The following SORBS2 variants were observed in gnomAD, a reference collection of about 807,000 sequenced individuals.
SORBS2 encodes the protein sorbin and SH3 domain containing 2.
Under a neutral mutation model 97.7 loss-of-function variants are expected in SORBS2, and 46 were observed. That is an observed-to-expected ratio of 0.47 (90% CI 0.37 to 0.60). The LOEUF (loss-of-function observed/expected upper bound fraction) is 0.60, where lower values mean the gene tolerates loss of function less well. SORBS2 is among the 20% of genes least tolerant of loss of function. The probability of loss-of-function intolerance (pLI) is 0.00; values close to 1 mark genes in which losing one functional copy is unlikely to be tolerated. For synonymous variants in SORBS2, 476 were observed against 473.4 expected (o/e 1.01, Z -0.07); for missense variants, 1,316 against 1,282.3 (o/e 1.03, Z -0.40).
At chr4:185,845,986 A>C (rs76431600) in intron 1 of SORBS2, among the ~76,000 whole-genome samples, 4,564 of 152,358 alleles carry the variant, frequency 0.03, 203 homozygotes, top group African/African-American at 0.098. Flanking sequence ...GACTCCTTGG[A>C]AGATCGTTTC....
At position 185,929,170 on chromosome 4, in the gene SORBS2, C is replaced by T. The variant is rs145928727; in HGVS notation, c.-338+27026G>A. Among the ~76,000 whole-genome samples, 389 of 152,318 alleles carry T rather than the reference C, an allele frequency of 2.6e-3. 3 individuals are homozygous for T. Among genetic ancestry groups the T allele is most frequent in the African/African-American group, 8.9e-3 (370 of 41,576 alleles). ...TTTAGTTTACACAAGAATCCTATGA[C>T]GAGCTTGTTACCACTGTGGGTTCCT... On this transcript the variant is annotated intron_variant, in intron 1 of 20. Coordinates refer to the SORBS2 transcript ENST00000284776.
At chr4:185,683,771 G>A (rs2097909635) in intron 2 of SORBS2, among the ~76,000 whole-genome samples, 1 of 152,114 alleles carries the variant, frequency 6.6e-6, no homozygotes, top group Non-Finnish European at 1.5e-5. Flanking sequence ...TTCTGCATAT[G>A]GAAGTTCATT....
intron 1 of SORBS2, among the ~76,000 whole-genome samples, chr4:185,799,314 A>G (rs544407298): frequency 1.4e-4 from 22 of 152,332 alleles, no homozygotes; most frequent in African/African-American, 4.8e-4. Flanking sequence ...TCTGCATTTT[A>G]GAGAACCTAT....
chr4:185,628,761 A>G (rs1302129597), intron 5 of SORBS2, among the ~76,000 whole-genome samples: 1 of 152,230 alleles, frequency 6.6e-6, no homozygotes, highest in African/African-American at 2.4e-5. Flanking sequence ...CAGTCAGTCA[A>G]TCAATCAGTA....
intron 2 of SORBS2, among the ~76,000 whole-genome samples, chr4:185,729,785 C>T (rs1244405112): frequency 6.6e-6 from 1 of 152,134 alleles, no homozygotes; most frequent in African/African-American, 2.4e-5. Context: ...TTGTACAGTA[C>T]AACTTATGTA....
chr4:185,876,889 T>C (rs887137088), intron 1 of SORBS2, among the ~76,000 whole-genome samples: 1 of 152,250 alleles, frequency 6.6e-6, no homozygotes, highest in African/African-American at 2.4e-5. Flanking sequence ...AAACTATTCA[T>C]GGCCCCACAA....
At chr4:185,602,961 A>G (rs903531981) in intron 12 of SORBS2, among the ~76,000 whole-genome samples, 1 of 152,254 alleles carries the variant, frequency 6.6e-6, no homozygotes, top group Non-Finnish European at 1.5e-5. Flanking sequence ...AGAGAAAATC[A>G]CTTTGATTTG....
chr4:185,950,579 G>A (rs1296998324), intron 1 of SORBS2, among the ~76,000 whole-genome samples: 3 of 152,172 alleles, frequency 2.0e-5, no homozygotes, highest in Admixed American at 6.5e-5. Context: ...TGTGCCTGAC[G>A]GTGTGGCTCA....
intron 1 of SORBS2, among the ~76,000 whole-genome samples, chr4:185,805,447 A>G (rs1455545088): frequency 2.0e-5 from 3 of 152,170 alleles, no homozygotes; most frequent in Non-Finnish European, 4.4e-5. Flanking sequence ...TACTGACTGA[A>G]TATGCAGTAT....
intron 2 of SORBS2, among the ~76,000 whole-genome samples, chr4:185,723,961 G>A (rs2098536665): frequency 6.6e-6 from 1 of 152,132 alleles, no homozygotes; most frequent in African/African-American, 2.4e-5. Flanking sequence ...AGATAACTAA[G>A]AAGCAACCCT....
At chr4:185,730,492 T>G (rs2098609462) in intron 2 of SORBS2, among the ~76,000 whole-genome samples, 1 of 152,214 alleles carries the variant, frequency 6.6e-6, no homozygotes, top group African/African-American at 2.4e-5. Context: ...GCTCTCACTA[T>G]TGTCCATCTG....
intron 1 of SORBS2, among the ~76,000 whole-genome samples, chr4:185,933,943 C>T (rs945252735): frequency 5.3e-5 from 8 of 152,196 alleles, no homozygotes; most frequent in South Asian, 2.1e-4. Flanking sequence ...TAAAGTCTCT[C>T]TATAGATGGC....
At chr4:185,629,560 A>ATTTTTT (rs201590422) in intron 5 of SORBS2, among the ~76,000 whole-genome samples, 2 of 134,084 alleles carry the variant, frequency 1.5e-5, no homozygotes, top group Non-Finnish European at 1.5e-5. Flanking sequence ...GAATTTTGTG[A>ATTTTTT]TTTGTTTTTT....
intron 1 of SORBS2, among the ~76,000 whole-genome samples, chr4:185,943,616 C>T (rs9998433): frequency 0.13 from 19,675 of 152,146 alleles, 1,562 homozygotes; most frequent in Middle Eastern, 0.24. Context: ...GGAAAAATAG[C>T]AGGGGGAATA....
chr4:185,638,660 T>G (rs1561581465), intron 4 of SORBS2, among the ~76,000 whole-genome samples: 4 of 35,864 alleles, frequency 1.1e-4, no homozygotes, highest in Admixed American at 3.4e-4. Flanking sequence ...AAGCCTGGGA[T>G]GGGGAAGGGT....
chr4:185,706,635 A>G (rs1171078839), intron 2 of SORBS2, among the ~76,000 whole-genome samples: 2 of 152,158 alleles, frequency 1.3e-5, no homozygotes, highest in African/African-American at 4.8e-5. Context: ...CTGCTGTTAT[A>G]ACATCCCTCA....
At chr4:185,834,635 G>C (rs1158427545) in intron 1 of SORBS2, among the ~76,000 whole-genome samples, 1 of 151,244 alleles carries the variant, frequency 6.6e-6, no homozygotes, top group Non-Finnish European at 1.5e-5. Context: ...TTCCAAAATA[G>C]TGAATGTAAA....
chr4:185,740,543 C>T (rs1394408088), intron 2 of SORBS2, among the ~76,000 whole-genome samples: 12 of 152,180 alleles, frequency 7.9e-5, no homozygotes, highest in East Asian at 1.9e-4. Flanking sequence ...ATCCAATCTG[C>T]GCTGCAGCAG....
intron 4 of SORBS2, among the ~76,000 whole-genome samples, chr4:185,644,913 T>C (rs2097183510): frequency 1.3e-5 from 2 of 152,158 alleles, no homozygotes; most frequent in Admixed American, 6.5e-5. Flanking sequence ...GTGCGTCTGT[T>C]TTAACCATAT....
Sources: gnomAD v4.1 joint callset for allele counts (sites outside exome capture counted in the v4.1 genomes callset) on GRCh38, gnomAD v4.1.1 for gene constraint, MANE v1.5 for transcripts, NCBI Gene and HGNC (gene_info 2026-07-23, HGNC 2026-07-21) for gene names.